The following BCAS1 variants were observed in gnomAD, a reference collection of about 807,000 sequenced individuals.
BCAS1 encodes the protein breast carcinoma-amplified sequence 1.
Under a neutral mutation model 65.4 loss-of-function variants are expected in BCAS1, and 46 were observed. The observed-to-expected ratio is 0.70, with a 90% CI of 0.55 to 0.90. The LOEUF (loss-of-function observed/expected upper bound fraction) is 0.90. Ranked by LOEUF, BCAS1 falls within the 40% of genes least tolerant of loss-of-function variation. BCAS1 has a pLI of 0.00. For synonymous variants in BCAS1, 298 were observed against 293.5 expected (o/e 1.02, Z -0.16); for missense variants, 793 against 771.2 (o/e 1.03, Z -0.33).
intron 11 of BCAS1, among the ~76,000 whole-genome samples, chr20:53,955,973 G>T (rs1016140515): frequency 6.6e-6 from 1 of 152,024 alleles, no homozygotes; most frequent in Admixed American, 6.6e-5. Context: ...AAAAATGTAG[G>T]ATAAACCAAT....
chr20:54,004,051 T>C (rs755861761), intron 4 of BCAS1, among the ~76,000 whole-genome samples: 1 of 152,192 alleles, frequency 6.6e-6, no homozygotes, highest in Non-Finnish European at 1.5e-5. Flanking sequence ...TTAATGTGTA[T>C]TGTGGACTGA....
chr20:54,053,265 T>C (rs1848136727), intron 3 of BCAS1, among the ~76,000 whole-genome samples: 1 of 152,258 alleles, frequency 6.6e-6, no homozygotes, highest in Non-Finnish European at 1.5e-5. Flanking sequence ...ACCAAACTTT[T>C]GAGAAAGATC....
At chr20:54,025,226 T>C (rs1451607205) in intron 4 of BCAS1, among the ~76,000 whole-genome samples, 2 of 152,194 alleles carry the variant, frequency 1.3e-5, no homozygotes, top group African/African-American at 2.4e-5. Flanking sequence ...TGGTGGGTTT[T>C]ATTTTTAACC....
intron 6 of BCAS1, among the ~76,000 whole-genome samples, chr20:53,994,150 A>G (rs1027976722): frequency 6.6e-6 from 1 of 152,202 alleles, no homozygotes; most frequent in Middle Eastern, 3.2e-3. Flanking sequence ...TGTGGGTAGC[A>G]GATGTAGGGG....
intron 12 of BCAS1, among the ~76,000 whole-genome samples, chr20:53,950,128 C>T (rs1480078874): frequency 7.7e-6 from 1 of 129,998 alleles, no homozygotes. Context: ...AGGATTATGT[C>T]TGCATTCCTT....
At position 54,037,100 on chromosome 20, in the gene BCAS1, T is replaced by C. The variant is rs187973425; in HGVS notation, c.143-8128A>G. On this transcript the variant is annotated intron_variant, in intron 3 of 12. Transcript: ENST00000688948. ...CTAAAACTTTCACTTGCTACAGCTG[T>C]GTATTAGTCTATTTCCATACTGCTA... Among the ~76,000 whole-genome samples, 14 of 151,394 alleles carry C rather than the reference T, an allele frequency of 9.2e-5. No homozygotes were observed. The East Asian group carries it at 2.7e-3, about 29-fold the overall frequency.
chr20:53,971,043 T>A (rs1247903918), intron 9 of BCAS1, among the ~76,000 whole-genome samples: 1 of 152,138 alleles, frequency 6.6e-6, no homozygotes, highest in Non-Finnish European at 1.5e-5. Flanking sequence ...ATTAAAAAGG[T>A]CTAAACCAAT....
chr20:54,030,687 A>C (rs946898303), intron 3 of BCAS1, among the ~76,000 whole-genome samples: 2 of 151,328 alleles, frequency 1.3e-5, no homozygotes, highest in Non-Finnish European at 3.0e-5. Flanking sequence ...AACAACAAAC[A>C]AAAAAGGGGG....
At chr20:53,977,103 G>T (rs143298537) in intron 8 of BCAS1, among the ~76,000 whole-genome samples, 1 of 152,114 alleles carries the variant, frequency 6.6e-6, no homozygotes, top group African/African-American at 2.4e-5. Context: ...AAGAGAGAGC[G>T]AAGGGAGAAG....
intron 4 of BCAS1, among the ~76,000 whole-genome samples, chr20:53,998,079 A>G (rs1011672831): frequency 1.3e-5 from 2 of 152,184 alleles, no homozygotes; most frequent in East Asian, 3.8e-4. Context: ...AGAAGCCCAC[A>G]GAAGACTTGG....
chr20:54,068,950 G>A (rs888726875), intron 1 of BCAS1, among the ~76,000 whole-genome samples: 4 of 151,960 alleles, frequency 2.6e-5, no homozygotes, highest in Non-Finnish European at 5.9e-5. Flanking sequence ...AGAATCCATG[G>A]GCTTTAACGG....
intron 10 of BCAS1, among the ~76,000 whole-genome samples, chr20:53,959,266 T>C (rs892837877): frequency 6.6e-6 from 1 of 151,920 alleles, no homozygotes; most frequent in African/African-American, 2.4e-5. Flanking sequence ...ATTTTTTTTT[T>C]TTTTTGAGAG....
intron 3 of BCAS1, among the ~76,000 whole-genome samples, chr20:54,036,900 C>A (rs1438348818): frequency 6.6e-6 from 1 of 151,144 alleles, no homozygotes; most frequent in East Asian, 1.9e-4. Flanking sequence ...GTATCTGGGC[C>A]AGGCAAGTTT....
intron 3 of BCAS1, among the ~76,000 whole-genome samples, chr20:54,039,893 C>T (rs2091961335): frequency 6.6e-6 from 1 of 151,448 alleles, no homozygotes; most frequent in South Asian, 2.1e-4. Context: ...TATACAGGGA[C>T]TGTATCTGTC....
intron 4 of BCAS1, among the ~76,000 whole-genome samples, chr20:54,005,265 G>A (rs1011603493): frequency 9.8e-5 from 11 of 112,370 alleles, no homozygotes; most frequent in Middle Eastern, 4.8e-3. Flanking sequence ...AGACCAGCCT[G>A]GGCAATATAG....
chr20:54,009,187 A>G lies in BCAS1; in HGVS notation c.724-13137T>C, dbSNP rs116110987. Among the ~76,000 whole-genome samples, 469 of 152,352 alleles carry G rather than the reference A, an allele frequency of 3.1e-3. 3 individuals are homozygous for G. The highest frequency in any genetic ancestry group is 0.011 in the African/African-American group (449 of 41,580). On this transcript the variant is annotated intron_variant, in intron 4 of 12. Coordinates refer to ENST00000688948, the MANE Select transcript of BCAS1 (RefSeq NM_001366298.2). ...TGTAACAGTGCTTGAAACAAATGAA[A>G]AAATAGAAAGCCCCAGCAAAGAAAT...
chr20:54,056,636 A>G (rs149824319), intron 3 of BCAS1, among the ~76,000 whole-genome samples: 37 of 152,284 alleles, frequency 2.4e-4, no homozygotes, highest in African/African-American at 7.9e-4. Context: ...AGAGCCCCCA[A>G]TAGTTCAGGT....
rs556882198 is a variant in BCAS1, at chr20:54,038,228, G to C, written c.143-9256C>G. ...CTATGGTTACCTTCTTATCATTCAA[G>C]ACTTAGGTTATGTCAGGCCTTCCCT... On this transcript the variant is annotated intron_variant, in intron 3 of 12. Coordinates refer to ENST00000688948, the MANE Select transcript of BCAS1 (RefSeq NM_001366298.2). 5.9e-5 allele frequency among the ~76,000 whole-genome samples: 9 copies of C among 151,372 alleles called. No homozygotes were observed. In the South Asian group the frequency reaches 1.9e-3, roughly 32 times the overall value.
intron 10 of BCAS1, among the ~76,000 whole-genome samples, chr20:53,959,970 C>A (rs577641821): frequency 1.3e-5 from 2 of 152,304 alleles, no homozygotes; most frequent in South Asian, 4.1e-4. Context: ...CCCATCACAC[C>A]CAAAGCTTTG....
Sources: gnomAD v4.1 joint callset for allele counts (sites outside exome capture counted in the v4.1 genomes callset) on GRCh38, gnomAD v4.1.1 for gene constraint, MANE v1.5 for transcripts, NCBI Gene and HGNC (gene_info 2026-07-23, HGNC 2026-07-21) for gene names.